The following CASS4 variants were observed in gnomAD, a reference collection of about 807,000 sequenced individuals.
CASS4 encodes the protein cas scaffolding protein family member 4.
Under a neutral mutation model 54.2 loss-of-function variants are expected in CASS4, and 22 were observed. The observed-to-expected ratio is 0.41, with a 90% confidence interval of 0.29 to 0.58. The LOEUF (loss-of-function observed/expected upper bound fraction) is 0.58. CASS4 is among the 20% of genes least tolerant of loss of function. The pLI is 0.36. For synonymous variants in CASS4, 409 were observed against 391.5 expected, an observed-to-expected ratio of 1.04 and a Z score of -0.53; for missense variants, 854 against 986.7, an observed-to-expected ratio of 0.87 and a Z score of 1.80.
At chr20:56,436,030 G>A (rs1237569656) in intron 1 of CASS4, among the ~76,000 whole-genome samples, 1 of 152,100 alleles carries the variant, frequency 6.6e-6, no homozygotes, top group Admixed American at 6.5e-5. Flanking sequence ...GGGATTACAG[G>A]CGTGAAACAC....
At chr20:56,416,572 A>G (rs981959182) in intron 1 of CASS4, among the ~76,000 whole-genome samples, 4 of 151,776 alleles carry the variant, frequency 2.6e-5, no homozygotes, top group East Asian at 1.9e-4. Flanking sequence ...CACACATGCC[A>G]TTACAGGTAA....
At chr20:56,441,272 G>A (rs1329108852) in intron 2 of CASS4, among the ~76,000 whole-genome samples, 1 of 151,682 alleles carries the variant, frequency 6.6e-6, no homozygotes, top group African/African-American at 2.4e-5. Context: ...GGGATTACAG[G>A]CGTGAGCTAC....
chr20:56,423,977 C>T (rs1362037671), intron 1 of CASS4, among the ~76,000 whole-genome samples: 1 of 152,286 alleles, frequency 6.6e-6, no homozygotes, highest in East Asian at 1.9e-4. Flanking sequence ...TTTTCAAAAA[C>T]GGGGCTGAAG....
chr20:56,413,185 GA>G (rs1569129597), intron 1 of CASS4, among the ~76,000 whole-genome samples: 1 of 146,382 alleles, frequency 6.8e-6, no homozygotes, highest in African/African-American at 2.5e-5. Context: ...AAAAAAAAAA[GA>G]AAAGAAAAGT....
intron 5 of CASS4, among the ~76,000 whole-genome samples, chr20:56,455,384 G>C (rs1265422487): frequency 6.6e-6 from 1 of 152,160 alleles, no homozygotes; most frequent in East Asian, 1.9e-4. Flanking sequence ...AACTTACCTA[G>C]GTTATAGGGC....
chr20:56,446,033 A>T, intron 3 of CASS4, 32 bp downstream of exon 3: 1 of 1,441,744 alleles, frequency 6.9e-7, no homozygotes, highest in Non-Finnish European at 9.7e-7. Flanking sequence ...CTCATCACCC[A>T]GACCTCTGCG....
At chr20:56,441,353 C>T (rs1442284169) in intron 2 of CASS4, among the ~76,000 whole-genome samples, 3 of 150,400 alleles carry the variant, frequency 2.0e-5, no homozygotes, top group Non-Finnish European at 2.9e-5. Context: ...ACCTGTAATC[C>T]CAGCAATTTG....
In CASS4 at chr20:56,444,001, G is replaced by A. The variant is rs560438082; in HGVS notation, c.460-1899G>A. On this transcript the variant is annotated intron_variant, in intron 2 of 5. Coordinates refer to ENST00000679887, the MANE Select transcript of CASS4 (RefSeq NM_020356.4). The stretch of plus-strand genomic sequence containing the variant: ...GAAAGCAGTCGTCACTCAACGAAGG[G>A]GGCTGTTTTGACATGTGACAGCTGC... Among the ~76,000 whole-genome samples the A allele has an allele frequency of 2.0e-5, 3 of 152,248 alleles. No individual in the cohort carries two copies. The South Asian group carries it at 6.2e-4, about 32-fold the overall frequency.
At chr20:56,447,932 G>A (rs1980802662) in intron 3 of CASS4, among the ~76,000 whole-genome samples, 1 of 152,154 alleles carries the variant, frequency 6.6e-6, no homozygotes, top group Non-Finnish European at 1.5e-5. Context: ...CACGAGGTCA[G>A]GAGGTGGAGA....
chr20:56,427,995 G>A (rs1335573078), intron 1 of CASS4, among the ~76,000 whole-genome samples: 2 of 152,190 alleles, frequency 1.3e-5, no homozygotes, highest in Non-Finnish European at 2.9e-5. Flanking sequence ...ATCACTTACA[G>A]CTCTGGCTTC....
chr20:56,439,050 C>T (rs865974858), intron 2 of CASS4, among the ~76,000 whole-genome samples: 15 of 152,222 alleles, frequency 9.9e-5, no homozygotes, highest in African/African-American at 2.2e-4. Flanking sequence ...GTCCTCAGCA[C>T]GTGGGACCAG....
chr20:56,448,106 C>T (rs1980813469), intron 3 of CASS4, among the ~76,000 whole-genome samples: 1 of 148,486 alleles, frequency 6.7e-6, no homozygotes, highest in Admixed American at 6.7e-5. Context: ...CGCGCCACTG[C>T]ACTCCAGCCT....
At chr20:56,450,448 T>C (rs2146294014) in intron 3 of CASS4, 151 bp from the exon 4 acceptor site, 1 of 694,752 alleles carries the variant, frequency 1.4e-6, no homozygotes, top group East Asian at 2.7e-5. Context: ...CCCAGATTTC[T>C]ACCATTACAG....
chr20:56,438,582 G>A (rs531908816), intron 2 of CASS4, among the ~76,000 whole-genome samples: 3 of 152,142 alleles, frequency 2.0e-5, no homozygotes, highest in African/African-American at 7.2e-5. Context: ...AAAGAGGCAG[G>A]GCGCAATGGC....
intron 2 of CASS4, among the ~76,000 whole-genome samples, chr20:56,438,089 G>A (rs937255750): frequency 1.3e-5 from 2 of 152,024 alleles, no homozygotes; most frequent in African/African-American, 4.8e-5. Context: ...CAGAGTTCGG[G>A]ACCAGCCTGG....
At chr20:56,454,890 G>A (rs1232361189) in intron 5 of CASS4, among the ~76,000 whole-genome samples, 1 of 152,184 alleles carries the variant, frequency 6.6e-6, no homozygotes, top group Non-Finnish European at 1.5e-5. Flanking sequence ...TTTAGCAAGA[G>A]AGTCCTGGAG....
intron 1 of CASS4, among the ~76,000 whole-genome samples, chr20:56,421,345 T>C (rs537399314): frequency 6.6e-6 from 1 of 152,324 alleles, no homozygotes; most frequent in East Asian, 1.9e-4. Flanking sequence ...TAAAAAATTG[T>C]AGTGGCACGT....
chr20:56,415,981 C>T (rs1378230887), intron 1 of CASS4, among the ~76,000 whole-genome samples: 1 of 152,190 alleles, frequency 6.6e-6, no homozygotes, highest in Non-Finnish European at 1.5e-5. Context: ...GTAAATTTAA[C>T]ACCTCATTCA....
Position 56,453,053 on chromosome 20 carries a change from C to A in CASS4, c.1877C>A (p.Thr626Asn), listed in dbSNP as rs774911011. 6.2e-7 allele frequency: 1 copy of A among 1,614,032 alleles called. No homozygotes were observed. Among genetic ancestry groups the A allele is most frequent in the Admixed American group, 1.7e-5 (1 of 60,010 alleles). The change falls in exon 5 of 6, where the codon ACC becomes AAC. Residue 626 changes from threonine (T) to asparagine (N), a missense_variant. Thr to Asn is a moderately conservative substitution (Grantham distance 65). Coordinates refer to ENST00000679887, the MANE Select transcript of CASS4 (RefSeq NM_020356.4). ...GAAACTGAATCACACCAAAAGAGTA[C>A]CCCTTCCACTAAGCAAAGGGAAGAT... ...QRETESHQKS[T>N]PSTKQREDEH...
Sources: gnomAD v4.1 joint callset for allele counts (sites outside exome capture counted in the v4.1 genomes callset) on GRCh38, gnomAD v4.1.1 for gene constraint, MANE v1.5 for transcripts, NCBI Gene and HGNC (gene_info 2026-07-23, HGNC 2026-07-21) for gene names.